Variants in SLC35F5 observed in about 807,000 individuals in gnomAD.
SLC35F5 encodes the protein solute carrier family 35 member F5.
Under a neutral mutation model 68.6 loss-of-function variants are expected in SLC35F5, and 54 were observed. That is an observed-to-expected ratio of 0.79 (90% CI 0.63 to 0.99). SLC35F5 has a LOEUF of 0.99. SLC35F5 is among the 50% of genes least tolerant of loss of function. SLC35F5 has a pLI of 0.00. For missense variants in SLC35F5, 567 were observed against 626.9 expected, an observed-to-expected ratio of 0.90 and a Z score of 1.02; for synonymous variants, 211 against 205.2, an observed-to-expected ratio of 1.03 and a Z score of -0.24.
At chr2:113,706,518 G>A (rs1686802570), downstream of SLC35F5, among the ~76,000 whole-genome samples, 2 of 152,198 alleles carry the variant, frequency 1.3e-5, no homozygotes, top group South Asian at 4.1e-4. Flanking sequence ...GAGATGGAAT[G>A]TAGGTCTCTT....
At chr2:113,727,890 T>C (rs867708273) in intron 11 of SLC35F5, among the ~76,000 whole-genome samples, 14 of 152,322 alleles carry the variant, frequency 9.2e-5, no homozygotes, top group Non-Finnish European at 1.9e-4. Flanking sequence ...TTTTAAAAAG[T>C]ACCACTGACC....
intron 8 of SLC35F5, among the ~76,000 whole-genome samples, chr2:113,735,295 G>T (rs72944699): frequency 6.6e-6 from 1 of 152,142 alleles, no homozygotes; most frequent in African/African-American, 2.4e-5. Context: ...CTTAACAACA[G>T]GGATAAATAC....
chr2:113,733,863 C>T (rs1687987217), intron 9 of SLC35F5, among the ~76,000 whole-genome samples: 2 of 152,234 alleles, frequency 1.3e-5, no homozygotes, highest in South Asian at 4.1e-4. Context: ...AACCAAGAAA[C>T]ACTACTCTCC....
In SLC35F5 at chr2:113,756,637, A is replaced by G; in HGVS notation, c.-228T>C. 1 of 1,222,916 alleles carries G rather than the reference A, an allele frequency of 8.2e-7. No individual in the cohort carries two copies. Among genetic ancestry groups the G allele is most frequent in the Non-Finnish European group, 1.1e-6 (1 of 923,404 alleles). 75.8% of individuals were successfully genotyped at this position (1,222,916 alleles called of 1,614,324 possible). On this transcript the variant is annotated 5_prime_UTR_variant, in exon 1 of 16. Transcript: ENST00000245680. ...GTCAGCTATGGCCGCGGAGGCCCGGAGATCTGCTCTGGCCCCGGCCCCGCC... is the reference window on the plus strand; with the variant it reads ...GTCAGCTATGGCCGCGGAGGCCCGGGGATCTGCTCTGGCCCCGGCCCCGCC...
rs563456189 is a variant in SLC35F5 at position 113,713,150 on chromosome 2, G to A, written c.*2068C>T. ...AAGCAAACAGGTGGGCAAGCAAAGC[G>A]GCAGTGATTCATACTTTCAGTTAAC... On this transcript the variant is annotated 3_prime_UTR_variant, in exon 16 of 16. Transcript: ENST00000245680. 7.9e-5 allele frequency: 12 copies of A among 152,304 alleles called. No individual in the cohort carries two copies. The highest frequency in any genetic ancestry group is 1.9e-4 in the East Asian group (1 of 5,182). 9.4% of individuals were successfully genotyped at this position (152,304 alleles called of 1,614,324 possible).
At chr2:113,751,511 A>T (rs1676737126) in intron 3 of SLC35F5, among the ~76,000 whole-genome samples, 2 of 152,210 alleles carry the variant, frequency 1.3e-5, no homozygotes, top group African/African-American at 2.4e-5. Context: ...TTTTACACTA[A>T]AAGAAACAAT....
chr2:113,756,548 C>T lies in SLC35F5; in HGVS notation c.-139G>A, dbSNP rs2104503393. Reference sequence around the variant, plus strand: ...GCGGTGCCCCTCAGGGAGAGGCTCCCGACACCACCCAACTCCACTCGGCCC... The same window carrying T: ...GCGGTGCCCCTCAGGGAGAGGCTCCTGACACCACCCAACTCCACTCGGCCC... On this transcript the variant is annotated 5_prime_UTR_variant, in exon 1 of 16. Transcript: ENST00000245680. 6.8e-7 allele frequency: 1 copy of T among 1,472,726 alleles called. No homozygotes were observed. The highest frequency in any genetic ancestry group is 9.0e-7 in the Non-Finnish European group (1 of 1,115,300). 91.2% of individuals were successfully genotyped at this position (1,472,726 alleles called of 1,614,324 possible).
chr2:113,717,737 CA>C lies in SLC35F5; in HGVS notation c.*22+15del, dbSNP rs773247805. On this transcript the variant is annotated intron_variant, in intron 15 of 15. Transcript: ENST00000245680. ...TAAGAACCTTATTCAATACTAAACC[CA>C]GCTCACATACAAACCTGGGCTACAG... 8 of 1,524,928 alleles carry C rather than the reference CA, an allele frequency of 5.2e-6. No individual in the cohort carries two copies. The African/African-American group carries it at 8.4e-5, about 16-fold the overall frequency. 94.5% of individuals were successfully genotyped at this position (1,524,928 alleles called of 1,614,324 possible). A position where few individuals can be genotyped will look rare whatever the true frequency, so the allele number is the denominator to read the frequency against.
intron 3 of SLC35F5, among the ~76,000 whole-genome samples, chr2:113,753,573 T>A (rs1574276851): frequency 6.6e-6 from 1 of 152,304 alleles, no homozygotes; most frequent in East Asian, 1.9e-4. Context: ...CTTACTAAAA[T>A]ATTTTACTTT....
chr2:113,745,923 C>T (rs911247544), intron 5 of SLC35F5, among the ~76,000 whole-genome samples: 3 of 152,054 alleles, frequency 2.0e-5, no homozygotes, highest in African/African-American at 7.2e-5. Flanking sequence ...GTGGAACAAA[C>T]GAATAATTTG....
In SLC35F5 at chr2:113,756,642, T is replaced by A; in HGVS notation, c.-233A>T. 1.2e-5 allele frequency: 14 copies of A among 1,186,164 alleles called. No individual in the cohort carries two copies. Among genetic ancestry groups the A allele is most frequent in the Non-Finnish European group, 1.6e-5 (14 of 896,694 alleles). 73.5% of individuals were successfully genotyped at this position (1,186,164 alleles called of 1,614,324 possible). A position where few individuals can be genotyped will look rare whatever the true frequency, so the allele number is the denominator to read the frequency against. On this transcript the variant is annotated 5_prime_UTR_variant, in exon 1 of 16. Coordinates refer to ENST00000245680, the MANE Select transcript of SLC35F5 (RefSeq NM_025181.5). ...CTATGGCCGCGGAGGCCCGGAGATC[T>A]GCTCTGGCCCCGGCCCCGCCCCCGG...
At chr2:113,744,656 T>C (rs908041545) in intron 5 of SLC35F5, among the ~76,000 whole-genome samples, 2 of 152,112 alleles carry the variant, frequency 1.3e-5, no homozygotes, top group African/African-American at 2.4e-5. Flanking sequence ...GAGGTGGAGG[T>C]AGGCAAATTG....
chr2:113,733,451 A>G (rs1288175187), intron 9 of SLC35F5: 2 of 286,538 alleles, frequency 7.0e-6, no homozygotes, highest in Non-Finnish European at 1.4e-5. Context: ...CACATATTTT[A>G]AATAAAGTTA....
At chr2:113,753,113 T>TAA (rs1676811064) in intron 3 of SLC35F5, among the ~76,000 whole-genome samples, 1 of 144,962 alleles carries the variant, frequency 6.9e-6, no homozygotes, top group African/African-American at 2.5e-5. Flanking sequence ...ATAACCATAA[T>TAA]AAAAAGACTG....
At chr2:113,751,659 A>C (rs1048931549) in intron 3 of SLC35F5, among the ~76,000 whole-genome samples, 2 of 151,712 alleles carry the variant, frequency 1.3e-5, no homozygotes, top group Non-Finnish European at 2.9e-5. Flanking sequence ...AAAATACAAA[A>C]ATTTGCAGTA....
chr2:113,719,086 A>C, intron 14 of SLC35F5, 68 bp downstream of exon 14: 1 of 1,418,480 alleles, frequency 7.0e-7, no homozygotes, highest in Non-Finnish European at 9.6e-7. Context: ...AAGCTAGGCC[A>C]GCATGATGCA....
chr2:113,731,581 T>C lies in SLC35F5; in HGVS notation c.985+3A>G. The C allele has an allele frequency of 6.2e-7, 1 of 1,610,888 alleles. No homozygotes were observed. Among genetic ancestry groups the C allele is most frequent in the Non-Finnish European group, 8.5e-7 (1 of 1,177,296 alleles). On this transcript the variant is annotated splice_donor_region_variant and intron_variant, in intron 10 of 15. Coordinates refer to ENST00000245680, the MANE Select transcript of SLC35F5 (RefSeq NM_025181.5). ...CAGAGAGAATCCAGAGTCCAGTACT[T>C]ACCTACTGTGTCTCTTCCAGCAGGT... is the stretch of plus-strand genomic sequence containing the variant.
Position 113,712,406 on chromosome 2 carries a change from TC to T in SLC35F5, c.*2811del, listed in dbSNP as rs1452304659. On this transcript the variant is annotated 3_prime_UTR_variant, in exon 16 of 16. Transcript: ENST00000245680. Reference sequence around the variant, plus strand: ...ATCTCGGCTCACTGCAGGCTCCGCCTCCCGGGTTCACGCCATTCTGCTGCCT... The same window carrying T: ...ATCTCGGCTCACTGCAGGCTCCGCCTCCGGGTTCACGCCATTCTGCTGCCT... Among the ~76,000 whole-genome samples the T allele has an allele frequency of 2.0e-5, 3 of 152,128 alleles. No individual in the cohort carries two copies. Among genetic ancestry groups the T allele is most frequent in the Non-Finnish European group, 2.9e-5 (2 of 68,032 alleles).
intron 10 of SLC35F5, 95 bp from the exon 11 acceptor site, chr2:113,729,600 T>A (rs1687805881): frequency 1.5e-6 from 1 of 688,682 alleles, no homozygotes. Flanking sequence ...TGCAAGAATA[T>A]ACAAAAGTGA....
Sources: gnomAD v4.1 joint callset for allele counts (sites outside exome capture counted in the v4.1 genomes callset) on GRCh38, gnomAD v4.1.1 for gene constraint, MANE v1.5 for transcripts, NCBI Gene and HGNC (gene_info 2026-07-23, HGNC 2026-07-21) for gene names.